MARCO: variants seen among roughly 807,000 people sequenced by gnomAD.
MARCO encodes macrophage receptor MARCO.
Under a neutral mutation model 70.0 loss-of-function variants are expected in MARCO, and 72 were observed. The ratio of observed to expected loss-of-function variants is 1.03; its 90% confidence interval spans 0.85 to 1.25. MARCO has a LOEUF of 1.25. MARCO is among the 50% of genes most tolerant of loss of function. MARCO has a pLI of 0.00. For missense variants in MARCO, 696 were observed against 659.3 expected, an observed-to-expected ratio of 1.06 and a Z score of -0.61; for synonymous variants, 273 against 243.1, an observed-to-expected ratio of 1.12 and a Z score of -1.14.
chr2:118,954,003 C>T (rs1679778646), intron 1 of MARCO, among the ~76,000 whole-genome samples: 1 of 152,174 alleles, frequency 6.6e-6, no homozygotes, highest in Non-Finnish European at 1.5e-5. Flanking sequence ...GGCAAAACTC[C>T]ACAGGGAGAA....
chr2:118,986,677 GAAAGAAAGAAAGAAAGAAAGAAA>G (rs1680507442), intron 12 of MARCO, among the ~76,000 whole-genome samples: 3 of 40,908 alleles, frequency 7.3e-5, no homozygotes, highest in Non-Finnish European at 8.6e-5. Context: ...AGGAAGGAAA[GAAAGAAAGAAAGAAAGAAAGAAA>G]GAAAGAAAGA....
intron 12 of MARCO, among the ~76,000 whole-genome samples, chr2:118,986,776 AAG>A (rs927383472): frequency 6.6e-6 from 1 of 151,920 alleles, no homozygotes; most frequent in Non-Finnish European, 1.5e-5. Flanking sequence ...AAAGAAAAGA[AAG>A]AGTGTGAGAG....
In MARCO at chr2:118,971,361, G is replaced by A. The variant is rs1264633998; in HGVS notation, c.425-138G>A. ...AACAGCCAGGTGCTTGGCTCCTGTT[G>A]TCCAAACCCCCACAGTCTGATGGGA... On this transcript the variant is annotated intron_variant, in intron 3 of 16. Coordinates refer to ENST00000327097, the MANE Select transcript of MARCO (RefSeq NM_006770.4). 3.6e-6 allele frequency: 3 copies of A among 836,872 alleles called. No homozygotes were observed. The East Asian group carries it at 7.7e-5, about 22-fold the overall frequency. The allele number at this position is 836,872 out of a possible 1,614,324, so 51.8% of individuals were successfully genotyped here. A position where few individuals can be genotyped will look rare whatever the true frequency, so the allele number is the denominator to read the frequency against.
chr2:118,992,450 G>C lies in MARCO; in HGVS notation c.1226G>C (p.Gly409Ala). The C allele has an allele frequency of 6.2e-7, 1 of 1,613,756 alleles. No homozygotes were observed. The highest frequency in any genetic ancestry group is 1.3e-5 in the African/African-American group (1 of 75,026). Residue 409 changes from glycine to alanine, a missense_variant, in exon 15 of 17, where the codon GGA (glycine) becomes GCA (alanine). Gly to Ala is a moderately conservative substitution (Grantham distance 60, BLOSUM62 0). This residue lies in a region of MARCO where 605 missense variants were observed against 537.6 expected (regional missense o/e 1.13). Coordinates refer to ENST00000327097, the MANE Select transcript of MARCO (RefSeq NM_006770.4). ...ATGACAGGATCTTCTGGGGAGCAAG[G>C]AGTAAAGGGAGAAAAAGGTGAAAGA... ...QGVKGSSGEQ[G>A]VKGEKGERGE...
chr2:118,943,027 T>G (rs140363675), intron 1 of MARCO, among the ~76,000 whole-genome samples: 1 of 152,346 alleles, frequency 6.6e-6, no homozygotes, highest in East Asian at 1.9e-4. Context: ...TTGTAGCATT[T>G]GAAGTCATGG....
At chr2:118,947,888 T>G (rs971281392) in intron 1 of MARCO, among the ~76,000 whole-genome samples, 2 of 152,364 alleles carry the variant, frequency 1.3e-5, no homozygotes, top group Middle Eastern at 6.8e-3. Flanking sequence ...TGCTGAAATT[T>G]TGATAGGCAT....
At chr2:118,971,943 C>T (rs1362160418) in intron 4 of MARCO, among the ~76,000 whole-genome samples, 1 of 152,234 alleles carries the variant, frequency 6.6e-6, no homozygotes, top group Non-Finnish European at 1.5e-5. Flanking sequence ...ACTCCTCTCT[C>T]CTACAGGGCA....
At chr2:118,981,280 G>A (rs547638659) in intron 8 of MARCO, 129 bp from the exon 9 acceptor site, 43 of 669,388 alleles carry the variant, frequency 6.4e-5, no homozygotes, top group African/African-American at 3.0e-4. Context: ...TCTTCCACTC[G>A]CGGGCACCAA....
At chr2:118,945,153 T>C (rs539434718) in intron 1 of MARCO, among the ~76,000 whole-genome samples, 7 of 152,252 alleles carry the variant, frequency 4.6e-5, no homozygotes, top group Non-Finnish European at 8.8e-5. Context: ...CCATAGAAAC[T>C]GCTCTTTTGC....
intron 1 of MARCO, among the ~76,000 whole-genome samples, chr2:118,951,471 T>G (rs1236495036): frequency 6.6e-6 from 1 of 152,270 alleles, no homozygotes; most frequent in African/African-American, 2.4e-5. Context: ...TCTGGCCTGA[T>G]GAGGTGTGCT....
intron 1 of MARCO, among the ~76,000 whole-genome samples, chr2:118,962,962 A>T (rs1679977410): frequency 6.6e-6 from 1 of 151,792 alleles, no homozygotes; most frequent in Admixed American, 6.6e-5. Flanking sequence ...TTCATTTCTG[A>T]TATTGGCTAT....
At chr2:118,975,203 G>A (rs1262787823) in intron 6 of MARCO, among the ~76,000 whole-genome samples, 3 of 152,128 alleles carry the variant, frequency 2.0e-5, no homozygotes, top group Non-Finnish European at 4.4e-5. Flanking sequence ...CCTCCCCAGG[G>A]ACAAACCCAA....
intron 14 of MARCO, among the ~76,000 whole-genome samples, 157 bp from the exon 15 acceptor site, chr2:118,992,275 G>A (rs964729050): frequency 6.6e-6 from 1 of 152,024 alleles, no homozygotes; most frequent in African/African-American, 2.4e-5. Context: ...ATTGACACCC[G>A]CAGGACATCC....
intron 15 of MARCO, 55 bp from the exon 16 acceptor site, chr2:118,993,069 A>T: frequency 6.6e-7 from 1 of 1,515,936 alleles, no homozygotes; most frequent in South Asian, 1.1e-5. Flanking sequence ...GCCCGCACTT[A>T]CCCAAAGCCC....
At position 118,977,520 on chromosome 2, in the gene MARCO, C is replaced by T; in HGVS notation, c.658+5C>T. On this transcript the variant is annotated splice_donor_5th_base_variant and intron_variant, in intron 7 of 16. Coordinates refer to ENST00000327097, the MANE Select transcript of MARCO (RefSeq NM_006770.4). ...CAGGGAAGCAAGGAGCCACTGGTAA[C>T]TTGTACTTGCTCTGCTAGGGACAAA... 1 of 1,613,634 alleles carries T rather than the reference C, an allele frequency of 6.2e-7. No individual in the cohort carries two copies. Among genetic ancestry groups the T allele is most frequent in the Non-Finnish European group, 8.5e-7 (1 of 1,179,658 alleles).
At chr2:118,967,500 T>C (rs1355253163) in intron 1 of MARCO, among the ~76,000 whole-genome samples, 2 of 151,942 alleles carry the variant, frequency 1.3e-5, no homozygotes, top group Non-Finnish European at 2.9e-5. Context: ...GGTTATGTGT[T>C]GTGGGGCTCA....
chr2:118,992,592 G>A, intron 15 of MARCO, 116 bp downstream of exon 15: 1 of 873,218 alleles, frequency 1.1e-6, no homozygotes, highest in Non-Finnish European at 1.8e-6. Flanking sequence ...ATTTTGGGGA[G>A]GAGTTGAGGG....
intron 1 of MARCO, among the ~76,000 whole-genome samples, chr2:118,948,196 G>C (rs1679639549): frequency 6.6e-6 from 1 of 152,196 alleles, no homozygotes; most frequent in South Asian, 2.1e-4. Flanking sequence ...CAGAAAGGGT[G>C]CTCAATTACA....
intron 12 of MARCO, among the ~76,000 whole-genome samples, chr2:118,985,916 G>A (rs1232372060): frequency 2.0e-5 from 3 of 152,066 alleles, no homozygotes; most frequent in Non-Finnish European, 2.9e-5. Flanking sequence ...GGGCAAAACC[G>A]AAGTGCAAAT....
Sources: allele counts gnomAD v4.1 joint callset (sites outside exome capture counted in the v4.1 genomes callset), GRCh38; gene constraint gnomAD v4.1.1; regional missense constraint gnomAD v4.1.1; transcripts MANE v1.5; gene names NCBI Gene and HGNC (gene_info 2026-07-23, HGNC 2026-07-21).